TMEM132C: variants seen among roughly 807,000 people sequenced by gnomAD.
TMEM132C encodes protein phosphatase 1, regulatory subunit 152.
Under a neutral mutation model 61.4 loss-of-function variants are expected in TMEM132C, and 29 were observed. The observed-to-expected ratio is 0.47, with a 90% CI of 0.35 to 0.64. The LOEUF (loss-of-function observed/expected upper bound fraction) is 0.64. Ranked by LOEUF, TMEM132C falls within the 30% of genes least tolerant of loss-of-function variation. The pLI, the probability that TMEM132C is intolerant of heterozygous loss-of-function variation, is 0.00. For missense variants in TMEM132C, 1,408 were observed against 1,476.9 expected (o/e 0.95, Z 0.76); for synonymous variants, 656 against 633.1 (o/e 1.04, Z -0.54).
chr12:128,309,709 T>C (rs1193523485), intron 1 of TMEM132C, among the ~76,000 whole-genome samples: 1 of 152,082 alleles, frequency 6.6e-6, no homozygotes, highest in East Asian at 1.9e-4. Context: ...ATATATCAGC[T>C]CTTCATTCCT....
chr12:128,386,900 G>A (rs926089063), intron 1 of TMEM132C, among the ~76,000 whole-genome samples: 23 of 152,062 alleles, frequency 1.5e-4, no homozygotes, highest in Admixed American at 5.2e-4. Context: ...AGGCTGAGGC[G>A]GGAGAATCCC....
chr12:128,667,662 G>A (rs1326490147), intron 4 of TMEM132C, among the ~76,000 whole-genome samples: 1 of 152,188 alleles, frequency 6.6e-6, no homozygotes. Context: ...CTTCACACCA[G>A]AGCAGTGTTT....
chr12:128,292,457 G>A (rs1168640283), intron 1 of TMEM132C, among the ~76,000 whole-genome samples: 1 of 152,086 alleles, frequency 6.6e-6, no homozygotes, highest in East Asian at 1.9e-4. Flanking sequence ...CCAGTAGAAT[G>A]TAAGCTCCTC....
At chr12:128,394,862 T>C (rs769810670) in intron 1 of TMEM132C, among the ~76,000 whole-genome samples, 1 of 150,182 alleles carries the variant, frequency 6.7e-6, no homozygotes, top group Admixed American at 6.7e-5. Flanking sequence ...TAAAGCAGCA[T>C]GTTAATTGCA....
In TMEM132C at chr12:128,415,579, C is replaced by T; in HGVS notation, c.933C>T (p.Val311=). The T allele has an allele frequency of 6.5e-7, 1 of 1,548,216 alleles. No individual in the cohort carries two copies. The highest frequency in any genetic ancestry group is 8.7e-7 in the Non-Finnish European group (1 of 1,145,430). ...AGGGAGAGGTGGTCACGGCCTATGT[C>T]ACCATCTCGAGCAATTCCTCTGTGG... is the stretch of plus-strand genomic sequence containing the variant. ...VKQGEVVTAY[V]TISSNSSVDL... The change falls in exon 2 of 9, where the codon GTC becomes GTT. Residue 311 remains valine (V), a synonymous_variant. Transcript: ENST00000435159. The surrounding 1 kb of genome is among the most constrained non-coding windows in gnomAD (Gnocchi z 5.8).
At chr12:128,304,608 CA>C (rs556740885) in intron 1 of TMEM132C, among the ~76,000 whole-genome samples, 3 of 132,476 alleles carry the variant, frequency 2.3e-5, no homozygotes, top group African/African-American at 5.5e-5. Flanking sequence ...GCCTCCGTCT[CA>C]AAAAAAAGAA....
At position 128,463,835 on chromosome 12, in the gene TMEM132C, G is replaced by A. The variant is rs962259644; in HGVS notation, c.974+48215G>A. 2.0e-5 allele frequency among the ~76,000 whole-genome samples: 3 copies of A among 152,108 alleles called. No homozygotes were observed. The South Asian group carries it at 6.2e-4, about 32-fold the overall frequency. On this transcript the variant is annotated intron_variant, in intron 2 of 8. Coordinates refer to ENST00000435159, the MANE Select transcript of TMEM132C (RefSeq NM_001136103.3). Reference sequence around the variant, plus strand: ...TCTGTGGCTAGATACAGAGGACACCGAGGTCCTAGGGAGTGGGCAAACTCC... The same window carrying A: ...TCTGTGGCTAGATACAGAGGACACCAAGGTCCTAGGGAGTGGGCAAACTCC...
rs10601290 is a variant in TMEM132C, at chr12:128,374,918, CAAAAA to C, written c.86-39798_86-39794del. Among the ~76,000 whole-genome samples the C allele has an allele frequency of 1.9e-3, 246 of 126,900 alleles. 3 individuals carry two copies. Among genetic ancestry groups the C allele is most frequent in the African/African-American group, 6.4e-3 (213 of 33,060 alleles). 83.3% of individuals were successfully genotyped at this position (126,900 alleles called of 152,430 possible). A position where few individuals can be genotyped will look rare whatever the true frequency, so the allele number is the denominator to read the frequency against. ...CCTGGGCGACAAACTCCGTCTGTCT[CAAAAA>C]AAAAAAAAAAAAAAATGCTGCAGGA... On this transcript the variant is annotated intron_variant, in intron 1 of 8. Coordinates refer to ENST00000435159, the MANE Select transcript of TMEM132C (RefSeq NM_001136103.3).
intron 2 of TMEM132C, among the ~76,000 whole-genome samples, chr12:128,480,150 C>T (rs923557879): frequency 2.0e-5 from 3 of 152,138 alleles, no homozygotes; most frequent in Non-Finnish European, 2.9e-5. Flanking sequence ...GTCCCAGCTA[C>T]TCTGGAAGCT....
intron 5 of TMEM132C, 56 bp downstream of exon 5, chr12:128,669,616 C>A: frequency 6.5e-7 from 1 of 1,535,694 alleles, no homozygotes; most frequent in South Asian, 1.2e-5. Flanking sequence ...CTTGGACATC[C>A]CGTTTGCTAG....
chr12:128,395,025 T>G (rs1874896294), intron 1 of TMEM132C, among the ~76,000 whole-genome samples: 2 of 152,034 alleles, frequency 1.3e-5, no homozygotes, highest in Non-Finnish European at 2.9e-5. Flanking sequence ...TTTATAATTT[T>G]TTTCTAAACA....
chr12:128,308,862 T>C (rs985602253), intron 1 of TMEM132C, among the ~76,000 whole-genome samples: 9 of 152,296 alleles, frequency 5.9e-5, no homozygotes, highest in Admixed American at 3.9e-4. Flanking sequence ...GTGAACTAAT[T>C]AGCTCTCCGG....
At chr12:128,553,301 T>C (rs997880635) in intron 3 of TMEM132C, among the ~76,000 whole-genome samples, 28 of 152,120 alleles carry the variant, frequency 1.8e-4, no homozygotes, top group African/African-American at 6.5e-4. Flanking sequence ...GATTTTCTTC[T>C]CCTTACCTTT....
chr12:128,523,818 A>G (rs1051606207), intron 2 of TMEM132C, among the ~76,000 whole-genome samples: 15 of 151,404 alleles, frequency 9.9e-5, no homozygotes, highest in African/African-American at 3.4e-4. Context: ...CAGGAAAAAA[A>G]AAAAAAAAAA....
At position 128,697,421 on chromosome 12, in the gene TMEM132C, G is replaced by A. The variant is rs1331444056; in HGVS notation, c.2121+6G>A. 1.3e-6 allele frequency: 2 copies of A among 1,527,130 alleles called. No homozygotes were observed. The highest frequency in any genetic ancestry group is 1.4e-5 in the African/African-American group (1 of 72,700). 94.6% of individuals were successfully genotyped at this position (1,527,130 alleles called of 1,614,324 possible). ...TGCTGCGGACCCCCAAACAGGTAGG[G>A]GGCCAAATGCCAGAGGTTCAGAGGG... On this transcript the variant is annotated splice_donor_region_variant and intron_variant, in intron 8 of 8. Coordinates refer to ENST00000435159, the MANE Select transcript of TMEM132C (RefSeq NM_001136103.3).
chr12:128,393,839 T>G (rs1030758139), intron 1 of TMEM132C, among the ~76,000 whole-genome samples: 1 of 152,214 alleles, frequency 6.6e-6, no homozygotes, highest in African/African-American at 2.4e-5. Context: ...TGATGATGAC[T>G]CAGCCGTGCT....
intron 1 of TMEM132C, among the ~76,000 whole-genome samples, chr12:128,409,895 CGAT>C (rs1181581395): frequency 6.6e-6 from 1 of 152,066 alleles, no homozygotes; most frequent in Non-Finnish European, 1.5e-5. Context: ...AGAAAGAAGA[CGAT>C]GATGACAAGA....
chr12:128,309,051 G>T (rs1001345836), intron 1 of TMEM132C, among the ~76,000 whole-genome samples: 1 of 152,184 alleles, frequency 6.6e-6, no homozygotes, highest in South Asian at 2.1e-4. Flanking sequence ...AGACAATTTG[G>T]GGGAGGGGTG....
chr12:128,358,993 C>A (rs1469141537), intron 1 of TMEM132C, among the ~76,000 whole-genome samples: 3 of 152,136 alleles, frequency 2.0e-5, no homozygotes, highest in Admixed American at 6.5e-5. Flanking sequence ...CACTCTACTG[C>A]ACATCAACAC....
Sources: gnomAD v4.1 joint callset for allele counts (sites outside exome capture counted in the v4.1 genomes callset) on GRCh38, gnomAD v4.1.1 for gene constraint, Gnocchi (gnomAD v3.1) non-coding constraint, MANE v1.5 for transcripts, NCBI Gene and HGNC (gene_info 2026-07-23, HGNC 2026-07-21) for gene names.